The following NPR2 variants were observed in gnomAD, a reference collection of about 807,000 sequenced individuals.
NPR2 encodes the protein atrial natriuretic peptide receptor 2.
In NPR2, 49 loss-of-function variants were observed where a neutral mutation model predicts 120.7. That is an observed-to-expected ratio of 0.41 (90% confidence interval 0.32 to 0.52). NPR2 has a LOEUF of 0.52. Among genes scored for constraint, NPR2 ranks in the 20% least tolerant of loss-of-function variants. NPR2 has a pLI of 0.36. For missense variants in NPR2, 931 were observed against 1,362.9 expected, an observed-to-expected ratio of 0.68 and a Z score of 4.99; for synonymous variants, 484 against 519.8, an observed-to-expected ratio of 0.93 and a Z score of 0.94.
Position 35,805,685 on chromosome 9 carries a change from C to G in NPR2, c.2047+15C>G. On this transcript the variant is annotated intron_variant, in intron 13 of 21. Coordinates refer to ENST00000342694, the MANE Select transcript of NPR2 (RefSeq NM_003995.4). This position sits in a 1 kb window ranked among gnomAD's most constrained non-coding sequence, Gnocchi z 4.9. Reference sequence around the variant, plus strand: ...CCTCTATGCCAGTGAGGCCCACCCCCACAACCCACTTTTTATATTGCTCCT... The same window carrying G: ...CCTCTATGCCAGTGAGGCCCACCCCGACAACCCACTTTTTATATTGCTCCT... 1.2e-6 allele frequency: 2 copies of G among 1,613,860 alleles called. No individual in the cohort carries two copies. The highest frequency in any genetic ancestry group is 8.5e-7 in the Non-Finnish European group (1 of 1,179,990).
At position 35,792,357 on chromosome 9, in the gene NPR2, A is replaced by G. The variant is rs920122523; in HGVS notation, c.-52A>G. 6.5e-5 allele frequency: 103 copies of G among 1,580,084 alleles called. No homozygotes were observed. Among genetic ancestry groups the G allele is most frequent in the Non-Finnish European group, 8.3e-5 (97 of 1,164,860 alleles). On this transcript the variant is annotated 5_prime_UTR_variant, in exon 1 of 22. Coordinates refer to ENST00000342694, the MANE Select transcript of NPR2 (RefSeq NM_003995.4). ...TGGGGGGTGCTCGCGTCTCCCCTGT[A>G]GGCCAGAGCAGCCCCAAGTTCTGGG... is the stretch of plus-strand genomic sequence containing the variant.
chr9:35,796,691 A>G (rs1827954318), intron 2 of NPR2, among the ~76,000 whole-genome samples: 1 of 152,210 alleles, frequency 6.6e-6, no homozygotes, highest in African/African-American at 2.4e-5. Context: ...AACACAAGAG[A>G]AGGGAACTAG....
chr9:35,792,326 C>G lies in NPR2; in HGVS notation c.-83C>G. The G allele has an allele frequency of 6.9e-7, 1 of 1,447,454 alleles. No individual in the cohort carries two copies. 89.7% of individuals were successfully genotyped at this position (1,447,454 alleles called of 1,614,324 possible). A position where few individuals can be genotyped will look rare whatever the true frequency, so the allele number is the denominator to read the frequency against. ...TCTTCCTGGCCCTCTTCCCCAGGCT[C>G]CAGGCTGGGGGGTGCTCGCGTCTCC... On this transcript the variant is annotated 5_prime_UTR_variant, in exon 1 of 22. Coordinates refer to ENST00000342694, the MANE Select transcript of NPR2 (RefSeq NM_003995.4).
chr9:35,806,482 G>A lies in NPR2; in HGVS notation c.2463G>A (p.Gln821=), dbSNP rs1828391242. 6 of 1,614,202 alleles carry A rather than the reference G, an allele frequency of 3.7e-6. No homozygotes were observed. In the Middle Eastern group the frequency reaches 8.2e-4, roughly 222 times the overall value. ...AGAAGCTGGTGGAGGAACGCACACA[G>A]GCCTATCTGGAGGAAAAACGCAAGG... ...NLEKLVEERT[Q]AYLEEKRKAE... The change falls in exon 16 of 22, where the codon CAG becomes CAA. Residue 821 remains glutamine, a synonymous_variant. Coordinates refer to ENST00000342694, the MANE Select transcript of NPR2 (RefSeq NM_003995.4). This position sits in a 1 kb window ranked among gnomAD's most constrained non-coding sequence, Gnocchi z 4.6.
At chr9:35,796,420 A>C (rs1322043) in intron 2 of NPR2, among the ~76,000 whole-genome samples, 8,832 of 152,198 alleles carry the variant, frequency 0.058, 338 homozygotes, top group Non-Finnish European at 0.091. Context: ...CCTGGGCTCA[A>C]ATGATCTTCT....
At position 35,800,156 on chromosome 9, in the gene NPR2, C is replaced by T. The variant is rs1221228005; in HGVS notation, c.1122C>T (p.His374=). ...AAAAGATGCAGGGACGAAGATATCA[C>T]GGTAATGAAGAGGGGTCAATGGGGG... is the stretch of plus-strand genomic sequence containing the variant. ...IVEKMQGRRY[H]GVTGLVVMDK... Residue 374 remains histidine, a splice_region_variant and synonymous_variant, in exon 4 of 22, where the codon CAC becomes CAT. Coordinates refer to ENST00000342694, the MANE Select transcript of NPR2 (RefSeq NM_003995.4). The surrounding 1 kb of genome is among the most constrained non-coding windows in gnomAD (Gnocchi z 4.7). 12 of 1,613,118 alleles carry T rather than the reference C, an allele frequency of 7.4e-6. No homozygotes were observed. In the Admixed American group the frequency reaches 8.3e-5, roughly 11 times the overall value.
chr9:35,793,051 C>A lies in NPR2; in HGVS notation c.643C>A (p.His215Asn). Reference sequence around the variant, plus strand: ...GCCAGGGGGCCCCGAGCAGGCCACCCACTTCATCCGGGCCAACGGGCGCAG... The same window carrying A: ...GCCAGGGGGCCCCGAGCAGGCCACCAACTTCATCCGGGCCAACGGGCGCAG... Reference protein sequence around the residue: ...REPGGPEQATHFIRANGRIVY... With the variant: ...REPGGPEQATNFIRANGRIVY... The change falls in exon 1 of 22, where the codon CAC becomes AAC. Residue 215 changes from histidine to asparagine, a missense_variant. Physicochemically the swap from His to Asn is moderately conservative, Grantham distance 68. Transcript: ENST00000342694. 6.2e-7 allele frequency: 1 copy of A among 1,602,842 alleles called. No individual in the cohort carries two copies.
Position 35,802,923 on chromosome 9 carries a change from A to G in NPR2, c.1887+120A>G. 1 of 762,230 alleles carries G rather than the reference A, an allele frequency of 1.3e-6. No individual in the cohort carries two copies. The highest frequency in any genetic ancestry group is 2.6e-5 in the East Asian group (1 of 39,176). The allele number at this position is 762,230 out of a possible 1,614,324, so 47.2% of individuals were successfully genotyped here. ...TGTTCTCTCATCTCCCCTTATTCCC[A>G]TGGTCTGGTAATAATGGGTAAACAA... is the stretch of plus-strand genomic sequence containing the variant. On this transcript the variant is annotated intron_variant, in intron 12 of 21. Transcript: ENST00000342694. The surrounding 1 kb of genome is among the most constrained non-coding windows in gnomAD (Gnocchi z 4.2).
chr9:35,800,884 T>C lies in NPR2; in HGVS notation c.1351+43T>C. 1.2e-6 allele frequency: 2 copies of C among 1,613,798 alleles called. No individual in the cohort carries two copies. Among genetic ancestry groups the C allele is most frequent in the Non-Finnish European group, 1.7e-6 (2 of 1,179,678 alleles). On this transcript the variant is annotated intron_variant, in intron 6 of 21. Coordinates refer to ENST00000342694, the MANE Select transcript of NPR2 (RefSeq NM_003995.4). This position sits in a 1 kb window ranked among gnomAD's most constrained non-coding sequence, Gnocchi z 4.7. ...CTGGGAGCAGCTTTCCTCCCTTTGC[T>C]TTCCATTCATGGCCTCCACCCTCAC...
In NPR2 at chr9:35,808,048, C is replaced by T; in HGVS notation, c.2713-461C>T. The T allele has an allele frequency of 2.7e-6, 2 of 736,768 alleles. No homozygotes were observed. The highest frequency in any genetic ancestry group is 1.7e-5 in the South Asian group (1 of 60,496). 45.6% of individuals were successfully genotyped at this position (736,768 alleles called of 1,614,324 possible). On this transcript the variant is annotated intron_variant, in intron 18 of 21. Coordinates refer to ENST00000342694, the MANE Select transcript of NPR2 (RefSeq NM_003995.4). The surrounding 1 kb of genome is among the most constrained non-coding windows in gnomAD (Gnocchi z 4.0). The stretch of plus-strand genomic sequence containing the variant: ...TTCCTAAAAACTTCACTGTGTATTT[C>T]CTTAAAACAATGGCATTTATTCTCT...
Position 35,809,448 on chromosome 9 carries a change from C to A in NPR2, c.*3C>A, listed in dbSNP as rs1165552721. The A allele has an allele frequency of 8.7e-6, 14 of 1,614,032 alleles. No homozygotes were observed. Among genetic ancestry groups the A allele is most frequent in the Non-Finnish European group, 1.0e-5 (12 of 1,180,030 alleles). ...AAGGACCTCCTGGACTCCTGTAAAC[C>A]CCCATTCTTTCCAAGTCAGATAGTC... is the stretch of plus-strand genomic sequence containing the variant. On this transcript the variant is annotated 3_prime_UTR_variant, in exon 22 of 22. Coordinates refer to ENST00000342694, the MANE Select transcript of NPR2 (RefSeq NM_003995.4). This position sits in a 1 kb window ranked among gnomAD's most constrained non-coding sequence, Gnocchi z 4.1.
chr9:35,799,332 AT>A (rs977482786), intron 2 of NPR2, among the ~76,000 whole-genome samples: 2 of 151,444 alleles, frequency 1.3e-5, no homozygotes, highest in Admixed American at 6.6e-5. Flanking sequence ...GTTGACTATT[AT>A]TTGCCAGTTT....
Position 35,805,459 on chromosome 9 carries a change from G to T in NPR2, c.1888-52G>T. 15 of 1,577,322 alleles carry T rather than the reference G, an allele frequency of 9.5e-6. No individual in the cohort carries two copies. Among genetic ancestry groups the T allele is most frequent in the Non-Finnish European group, 1.2e-5 (14 of 1,146,568 alleles). ...CCAGTGCCCATCTCATGGAGAGAGG[G>T]TATTCTAAGCCAGATATGATCCAAT... is the stretch of plus-strand genomic sequence containing the variant. On this transcript the variant is annotated intron_variant, in intron 12 of 21. Transcript: ENST00000342694. The surrounding 1 kb of genome is among the most constrained non-coding windows in gnomAD (Gnocchi z 4.9).
rs1301519988 is a variant in NPR2, at chr9:35,805,431, T to G, written c.1888-80T>G. The G allele has an allele frequency of 9.3e-6, 13 of 1,396,138 alleles. No individual in the cohort carries two copies. The highest frequency in any genetic ancestry group is 1.3e-5 in the Non-Finnish European group (13 of 982,218). 86.5% of individuals were successfully genotyped at this position (1,396,138 alleles called of 1,614,324 possible). ...TGTGGACCCAAGATCTGTAGACAGC[T>G]AGCCAGTGCCCATCTCATGGAGAGA... On this transcript the variant is annotated intron_variant, in intron 12 of 21. Coordinates refer to ENST00000342694, the MANE Select transcript of NPR2 (RefSeq NM_003995.4). This position sits in a 1 kb window ranked among gnomAD's most constrained non-coding sequence, Gnocchi z 4.9.
chr9:35,792,762 C>G lies in NPR2; in HGVS notation c.354C>G (p.Pro118=). ...GCTTTGCCTCCCACTGGCGCCTTCC[C>G]CTGCTGACTGCGGGTGCTGTGGCCT... ...VARFASHWRL[P]LLTAGAVASG... is the part of the protein sequence containing the mutation. The change falls in exon 1 of 22, where the codon CCC becomes CCG. Residue 118 remains proline (P), a synonymous_variant. Transcript: ENST00000342694. 1 of 1,614,214 alleles carries G rather than the reference C, an allele frequency of 6.2e-7. No homozygotes were observed. Among genetic ancestry groups the G allele is most frequent in the Non-Finnish European group, 8.5e-7 (1 of 1,180,040 alleles).
In NPR2 at chr9:35,792,209, T is replaced by A; in HGVS notation, c.-200T>A. ...TCCTTGCCCTAGGCTGGTAGCCCAC[T>A]CCTTGCCCGCCCCCCGCCTTCCTCC... is the stretch of plus-strand genomic sequence containing the variant. On this transcript the variant is annotated 5_prime_UTR_variant, in exon 1 of 22. Coordinates refer to ENST00000342694, the MANE Select transcript of NPR2 (RefSeq NM_003995.4). 3 of 347,160 alleles carry A rather than the reference T, an allele frequency of 8.6e-6. No individual in the cohort carries two copies. The highest frequency in any genetic ancestry group is 1.5e-5 in the Non-Finnish European group (3 of 195,406). 21.5% of individuals were successfully genotyped at this position (347,160 alleles called of 1,614,324 possible).
In NPR2 at chr9:35,805,161, G is replaced by A. The variant is rs1161566804; in HGVS notation, c.1888-350G>A. ...GTAGCCAGGTATCTGAGGCCACCATGGGTGTTATATCATTTTGGTCTTCAC... is the reference window on the plus strand; with the variant it reads ...GTAGCCAGGTATCTGAGGCCACCATAGGTGTTATATCATTTTGGTCTTCAC... On this transcript the variant is annotated intron_variant, in intron 12 of 21. Coordinates refer to ENST00000342694, the MANE Select transcript of NPR2 (RefSeq NM_003995.4). The surrounding 1 kb of genome is among the most constrained non-coding windows in gnomAD (Gnocchi z 4.9). Among the ~76,000 whole-genome samples the A allele has an allele frequency of 3.3e-5, 5 of 152,210 alleles. No homozygotes were observed. Among genetic ancestry groups the A allele is most frequent in the Admixed American group, 3.3e-4 (5 of 15,286 alleles).
At position 35,806,473 on chromosome 9, in the gene NPR2, A is replaced by G; in HGVS notation, c.2454A>G (p.Glu818=). ...ATAACTTGGAGAAGCTGGTGGAGGA[A>G]CGCACACAGGCCTATCTGGAGGAAA... ...YANNLEKLVE[E]RTQAYLEEKR... is the part of the protein sequence containing the mutation. Residue 818 remains glutamate (E), a synonymous_variant, in exon 16 of 22, where the codon GAA becomes GAG. Transcript: ENST00000342694. The surrounding 1 kb of genome is among the most constrained non-coding windows in gnomAD (Gnocchi z 4.6). 1 of 1,614,158 alleles carries G rather than the reference A, an allele frequency of 6.2e-7. No homozygotes were observed. Among genetic ancestry groups the G allele is most frequent in the Non-Finnish European group, 8.5e-7 (1 of 1,179,996 alleles).
Position 35,800,351 on chromosome 9 carries a change from G to C in NPR2, c.1124-38G>C. Reference sequence around the variant, plus strand: ...ATGAGTGAGTGGGAGAGGAGCCCAGGGTAGACCTCAAAGAAAGGACACTCT... The same window carrying C: ...ATGAGTGAGTGGGAGAGGAGCCCAGCGTAGACCTCAAAGAAAGGACACTCT... On this transcript the variant is annotated intron_variant, in intron 4 of 21. Transcript: ENST00000342694. This position sits in a 1 kb window ranked among gnomAD's most constrained non-coding sequence, Gnocchi z 4.7. 6.3e-7 allele frequency: 1 copy of C among 1,575,994 alleles called. No homozygotes were observed. Among genetic ancestry groups the C allele is most frequent in the Non-Finnish European group, 8.7e-7 (1 of 1,145,204 alleles).
Sources: allele counts gnomAD v4.1 joint callset (sites outside exome capture counted in the v4.1 genomes callset), GRCh38; gene constraint gnomAD v4.1.1; non-coding constraint Gnocchi (gnomAD v3.1); transcripts MANE v1.5; gene names NCBI Gene and HGNC (gene_info 2026-07-23, HGNC 2026-07-21).